Variants in RAB7A observed in about 807,000 individuals in gnomAD.
The protein encoded by RAB7A is ras-related protein Rab-7a.
Under a neutral mutation model 24.5 loss-of-function variants are expected in RAB7A, and 2 were observed. That is an observed-to-expected ratio of 0.08 (90% CI 0.03 to 0.26). The LOEUF (loss-of-function observed/expected upper bound fraction) is 0.26. Ranked by LOEUF, RAB7A falls within the 10% of genes least tolerant of loss-of-function variation. The pLI, the probability that RAB7A is intolerant of heterozygous loss-of-function variation, is 1.00. For missense variants in RAB7A, 118 were observed against 255.7 expected (o/e 0.46, Z 3.67); for synonymous variants, 100 against 95.9 (o/e 1.04, Z -0.25).
At chr3:128,812,552 C>T (rs1194496757) in intron 5 of RAB7A, among the ~76,000 whole-genome samples, 2 of 152,212 alleles carry the variant, frequency 1.3e-5, no homozygotes, top group African/African-American at 2.4e-5. Flanking sequence ...CTAGAACAGT[C>T]ACTGGCACAC....
At chr3:128,812,478 G>T (rs962487806) in intron 5 of RAB7A, among the ~76,000 whole-genome samples, 13 of 152,156 alleles carry the variant, frequency 8.5e-5, no homozygotes, top group South Asian at 6.2e-4. Context: ...TATTGTGAAT[G>T]GAATGATTTT....
At chr3:128,802,181 C>T (rs950471870) in intron 3 of RAB7A, among the ~76,000 whole-genome samples, 1 of 152,058 alleles carries the variant, frequency 6.6e-6, no homozygotes, top group East Asian at 1.9e-4. Flanking sequence ...TATGTAACTT[C>T]CAAAGTAATA....
intron 1 of RAB7A, among the ~76,000 whole-genome samples, chr3:128,745,938 G>A (rs533307445): frequency 6.6e-6 from 1 of 152,346 alleles, no homozygotes; most frequent in Admixed American, 6.5e-5. Flanking sequence ...TGGGCTTCTT[G>A]ACCAGCGCCC....
At chr3:128,778,758 G>A (rs1933149852) in intron 1 of RAB7A, among the ~76,000 whole-genome samples, 1 of 152,190 alleles carries the variant, frequency 6.6e-6, no homozygotes, top group Admixed American at 6.5e-5. Flanking sequence ...CCAGCCAGAG[G>A]TAGGCAACCA....
intron 5 of RAB7A, among the ~76,000 whole-genome samples, chr3:128,810,871 T>C (rs1416373196): frequency 1.3e-5 from 2 of 152,064 alleles, no homozygotes; most frequent in African/African-American, 4.8e-5. Flanking sequence ...CTGGCCAACA[T>C]TGTGAAACCC....
At chr3:128,801,403 G>A (rs1194805762) in intron 3 of RAB7A, among the ~76,000 whole-genome samples, 1 of 152,292 alleles carries the variant, frequency 6.6e-6, no homozygotes, top group Non-Finnish European at 1.5e-5. Context: ...AGAGGATGGG[G>A]GGAACCTTTT....
intron 1 of RAB7A, among the ~76,000 whole-genome samples, chr3:128,792,106 C>T (rs578244084): frequency 6.6e-6 from 1 of 152,290 alleles, no homozygotes; most frequent in African/African-American, 2.4e-5. Context: ...GCTTAATTCA[C>T]TCAGAGGAAT....
At chr3:128,742,746 C>T (rs2070567221) in intron 1 of RAB7A, among the ~76,000 whole-genome samples, 1 of 152,036 alleles carries the variant, frequency 6.6e-6, no homozygotes, top group Non-Finnish European at 1.5e-5. Context: ...CATAAAGGTT[C>T]TCCAAGTCCC....
chr3:128,753,366 G>A lies in RAB7A; in HGVS notation c.-9+27007G>A, dbSNP rs78581488. 9.0e-3 allele frequency among the ~76,000 whole-genome samples: 1,338 copies of A among 149,146 alleles called. 23 individuals carry two copies. Among genetic ancestry groups the A allele is most frequent in the African/African-American group, 0.031 (1,260 of 40,380 alleles). On this transcript the variant is annotated intron_variant, in intron 1 of 5. Coordinates refer to ENST00000265062, the MANE Select transcript of RAB7A (RefSeq NM_004637.6). The stretch of plus-strand genomic sequence containing the variant: ...GTGGGGAAGCAGATAGAGGATGAAG[G>A]GGGGGGAAAAAGAATGTAAATATAT...
intron 1 of RAB7A, among the ~76,000 whole-genome samples, chr3:128,777,953 A>G (rs778723716): frequency 1.2e-4 from 18 of 152,232 alleles, no homozygotes; most frequent in Middle Eastern, 6.8e-3. Flanking sequence ...ACCTCAAGTG[A>G]TCTGCCCGCC....
intron 1 of RAB7A, among the ~76,000 whole-genome samples, chr3:128,766,731 G>T (rs2070835219): frequency 6.6e-6 from 1 of 152,012 alleles, no homozygotes; most frequent in South Asian, 2.1e-4. Context: ...ATAGAGATGG[G>T]GTTTTACCAT....
chr3:128,739,231 C>G (rs976428335), intron 1 of RAB7A, among the ~76,000 whole-genome samples: 1 of 152,050 alleles, frequency 6.6e-6, no homozygotes, highest in Non-Finnish European at 1.5e-5. Flanking sequence ...TAAAGCGGGC[C>G]GGGAGTGGTG....
At chr3:128,772,084 C>G (rs1407326186) in intron 1 of RAB7A, among the ~76,000 whole-genome samples, 1 of 152,106 alleles carries the variant, frequency 6.6e-6, no homozygotes, top group Admixed American at 6.5e-5. Flanking sequence ...GCAGTTACAA[C>G]CAGTTCAGGG....
rs151053951 is a variant in RAB7A, at chr3:128,774,630, G to A, written c.-8-20730G>A. Reference sequence around the variant, plus strand: ...GCTCTGTTGCCCAGGCTGGAGTGCAGTGGCACGGTCTTGGCTCACTGCAAG... The same window carrying A: ...GCTCTGTTGCCCAGGCTGGAGTGCAATGGCACGGTCTTGGCTCACTGCAAG... On this transcript the variant is annotated intron_variant, in intron 1 of 5. Transcript: ENST00000265062. 2.1e-4 allele frequency among the ~76,000 whole-genome samples: 32 copies of A among 152,276 alleles called. 1 individual carries two copies. The highest frequency in any genetic ancestry group is 7.2e-4 in the African/African-American group (30 of 41,546).
At chr3:128,762,840 C>T (rs1365571814) in intron 1 of RAB7A, among the ~76,000 whole-genome samples, 1 of 152,158 alleles carries the variant, frequency 6.6e-6, no homozygotes, top group Admixed American at 6.5e-5. Flanking sequence ...CAGACATATA[C>T]AAAGCAAAGA....
chr3:128,756,463 G>T (rs150234278), intron 1 of RAB7A, among the ~76,000 whole-genome samples: 2 of 152,166 alleles, frequency 1.3e-5, no homozygotes, highest in African/African-American at 4.8e-5. Flanking sequence ...TTAGGTAGGA[G>T]AAAGACATGT....
At chr3:128,796,193 T>G (rs146386297) in intron 2 of RAB7A, among the ~76,000 whole-genome samples, 1 of 152,320 alleles carries the variant, frequency 6.6e-6, no homozygotes, top group Non-Finnish European at 1.5e-5. Context: ...CTAATGGCTC[T>G]TAAGATTCTG....
At chr3:128,774,385 G>A (rs1933030891) in intron 1 of RAB7A, among the ~76,000 whole-genome samples, 1 of 151,586 alleles carries the variant, frequency 6.6e-6, no homozygotes, top group African/African-American at 2.4e-5. Flanking sequence ...GGTTGGGAGA[G>A]GGTGGCAAAA....
chr3:128,810,571 C>CT (rs1933902089), intron 5 of RAB7A, among the ~76,000 whole-genome samples: 1 of 152,198 alleles, frequency 6.6e-6, no homozygotes, highest in Non-Finnish European at 1.5e-5. Flanking sequence ...CTCCCATGCC[C>CT]TTTCTGCTGT....
Sources: allele counts gnomAD v4.1 joint callset (sites outside exome capture counted in the v4.1 genomes callset), GRCh38; gene constraint gnomAD v4.1.1; transcripts MANE v1.5; gene names NCBI Gene and HGNC (gene_info 2026-07-23, HGNC 2026-07-21).